Variants in UBL3 observed in about 807,000 individuals in gnomAD.
The protein encoded by UBL3 is ubiquitin-like protein 3.
Under a neutral mutation model 18.4 loss-of-function variants are expected in UBL3, and 6 were observed. That is an observed-to-expected ratio of 0.33 (90% CI 0.18 to 0.64). UBL3 has a LOEUF of 0.64. Ranked by LOEUF, UBL3 falls within the 30% of genes least tolerant of loss-of-function variation. The pLI is 0.76. For synonymous variants in UBL3, 49 were observed against 46.6 expected (o/e 1.05, Z -0.21); for missense variants, 109 against 142.9 (o/e 0.76, Z 1.21).
chr13:29,805,495 G>C (rs563899347), intron 1 of UBL3, among the ~76,000 whole-genome samples: 1 of 152,100 alleles, frequency 6.6e-6, no homozygotes, highest in African/African-American at 2.4e-5. Flanking sequence ...CTTAGAAAAC[G>C]GCTCTTACAC....
intron 1 of UBL3, among the ~76,000 whole-genome samples, chr13:29,787,908 A>G (rs1877366394): frequency 6.6e-6 from 1 of 152,188 alleles, no homozygotes; most frequent in African/African-American, 2.4e-5. Context: ...AGGGAGGGTT[A>G]GAGTAGTATA....
intron 1 of UBL3, among the ~76,000 whole-genome samples, chr13:29,784,346 C>T (rs79359538): frequency 0.013 from 1,981 of 152,162 alleles, 18 homozygotes; most frequent in Non-Finnish European, 0.02. Flanking sequence ...AAGACAAATA[C>T]GTTGATCAGA....
intron 1 of UBL3, among the ~76,000 whole-genome samples, chr13:29,787,658 G>A (rs1877359565): frequency 6.6e-6 from 1 of 152,026 alleles, no homozygotes; most frequent in Non-Finnish European, 1.5e-5. Flanking sequence ...TAGCCCTTTG[G>A]TTTTCTATAC....
At chr13:29,767,408 A>T in intron 4 of UBL3, 101 bp from the exon 5 acceptor site, 1 of 1,435,450 alleles carries the variant, frequency 7.0e-7, no homozygotes, top group Non-Finnish European at 9.5e-7. Flanking sequence ...TTGAGTTTTT[A>T]AAAATGTTTG....
At chr13:29,825,511 A>G (rs1878593250) in intron 1 of UBL3, among the ~76,000 whole-genome samples, 1 of 152,072 alleles carries the variant, frequency 6.6e-6, no homozygotes, top group African/African-American at 2.4e-5. Flanking sequence ...TTTGTCTGTT[A>G]TTGGTGTATA....
intron 1 of UBL3, among the ~76,000 whole-genome samples, chr13:29,806,529 T>C (rs1160048328): frequency 1.3e-5 from 2 of 152,152 alleles, no homozygotes; most frequent in African/African-American, 2.4e-5. Flanking sequence ...TAATCATCCA[T>C]GTCTGTCATA....
intron 1 of UBL3, among the ~76,000 whole-genome samples, chr13:29,805,504 A>AC (rs1271371499): frequency 1.3e-5 from 2 of 151,992 alleles, no homozygotes; most frequent in Non-Finnish European, 2.9e-5. Context: ...CGGCTCTTAC[A>AC]CCCCCAATAC....
chr13:29,800,149 G>A (rs892096153), intron 1 of UBL3, among the ~76,000 whole-genome samples: 1 of 152,106 alleles, frequency 6.6e-6, no homozygotes, highest in African/African-American at 2.4e-5. Context: ...TTTTACTTCC[G>A]CAAACACCCT....
intron 1 of UBL3, among the ~76,000 whole-genome samples, chr13:29,849,130 G>C (rs973023101): frequency 2.6e-5 from 4 of 152,060 alleles, no homozygotes; most frequent in African/African-American, 4.8e-5. Context: ...CAAGATTCCC[G>C]TTTCCCTACC....
In UBL3 at chr13:29,819,626, C is replaced by T. The variant is rs183498056; in HGVS notation, c.27+29886G>A. ...AATGAATTAAAATACTAGGATACTG[C>T]AAAGTATGTAGCTTTCTTTTTATGA... On this transcript the variant is annotated intron_variant, in intron 1 of 4. Coordinates refer to ENST00000380680, the MANE Select transcript of UBL3 (RefSeq NM_007106.4). Among the ~76,000 whole-genome samples the T allele has an allele frequency of 2.8e-3, 426 of 152,268 alleles. 1 individual carries two copies. Among genetic ancestry groups the T allele is most frequent in the Non-Finnish European group, 4.5e-3 (305 of 68,022 alleles).
chr13:29,796,778 G>A (rs1877625335), intron 1 of UBL3, among the ~76,000 whole-genome samples: 1 of 152,128 alleles, frequency 6.6e-6, no homozygotes, highest in Admixed American at 6.5e-5. Context: ...ATTTCATCTT[G>A]GATCTCTACC....
Position 29,764,426 on chromosome 13 carries a change from TTTTAA to T in UBL3, c.*2824_*2828del, listed in dbSNP as rs1876607884. ...AATATTCTACAACAGATGAAGAAAG[TTTTAA>T]TTTCTTTTCACATTAAACATTGTTT... is the stretch of plus-strand genomic sequence containing the variant. On this transcript the variant is annotated 3_prime_UTR_variant, in exon 5 of 5. Transcript: ENST00000380680. 2 of 152,200 alleles carry T rather than the reference TTTTAA, an allele frequency of 1.3e-5. No homozygotes were observed. The highest frequency in any genetic ancestry group is 1.3e-4 in the Admixed American group (2 of 15,294). The allele number at this position is 152,200 out of a possible 1,614,324, so 9.4% of individuals were successfully genotyped here.
intron 1 of UBL3, among the ~76,000 whole-genome samples, chr13:29,787,095 G>A (rs1415428573): frequency 6.6e-6 from 1 of 151,804 alleles, no homozygotes; most frequent in African/African-American, 2.4e-5. Context: ...CACTCAACAT[G>A]AACAAAAAGC....
chr13:29,794,093 G>A (rs1386121993), intron 1 of UBL3, among the ~76,000 whole-genome samples: 1 of 152,024 alleles, frequency 6.6e-6, no homozygotes, highest in African/African-American at 2.4e-5. Context: ...AGATCCACTC[G>A]CCTCACCCTC....
At chr13:29,836,343 AAAAT>A (rs201499553) in intron 1 of UBL3, among the ~76,000 whole-genome samples, 20,503 of 148,320 alleles carry the variant, frequency 0.14, 1,579 homozygotes, top group Non-Finnish European at 0.19. Flanking sequence ...CAAAACAGCA[AAAAT>A]AAATAAATAA....
At chr13:29,818,903 T>C (rs1459847507) in intron 1 of UBL3, among the ~76,000 whole-genome samples, 1 of 152,222 alleles carries the variant, frequency 6.6e-6, no homozygotes, top group East Asian at 1.9e-4. Context: ...CATCTTTACA[T>C]GCTTTATATC....
chr13:29,768,509 G>GT (rs1845077314), intron 3 of UBL3, among the ~76,000 whole-genome samples: 1 of 152,050 alleles, frequency 6.6e-6, no homozygotes, highest in African/African-American at 2.4e-5. Flanking sequence ...ACAAACTGAA[G>GT]TAAGGCCTAA....
chr13:29,843,208 A>G (rs927346089), intron 1 of UBL3, among the ~76,000 whole-genome samples: 4 of 152,228 alleles, frequency 2.6e-5, no homozygotes, highest in African/African-American at 9.6e-5. Context: ...GCACATACCT[A>G]TAGTATATGT....
intron 1 of UBL3, among the ~76,000 whole-genome samples, chr13:29,838,056 C>T (rs1010300482): frequency 8.6e-5 from 13 of 150,412 alleles, no homozygotes; most frequent in African/African-American, 1.9e-4. Context: ...CACAAGAGCA[C>T]ATCAATAGTA....
Sources: gnomAD v4.1 joint callset for allele counts (sites outside exome capture counted in the v4.1 genomes callset) on GRCh38, gnomAD v4.1.1 for gene constraint, MANE v1.5 for transcripts, NCBI Gene and HGNC (gene_info 2026-07-23, HGNC 2026-07-21) for gene names.